The following UGT3A1 variants were observed in gnomAD, a reference collection of about 807,000 sequenced individuals.
UGT3A1 encodes the protein UDP-glycosyltransferase 3A1.
UGT3A1 carries 40 observed loss-of-function variants against 37.6 expected under a neutral mutation model. That is an observed-to-expected ratio of 1.06 (90% CI 0.83 to 1.38). UGT3A1 has a LOEUF of 1.38. UGT3A1 is among the 40% of genes most tolerant of loss of function. The pLI, the probability that UGT3A1 is intolerant of heterozygous loss-of-function variation, is 0.00. For synonymous variants in UGT3A1, 256 were observed against 232.3 expected (o/e 1.10, Z -0.93); for missense variants, 642 against 634.2 (o/e 1.01, Z -0.13).
chr5:35,982,360 G>A (rs937475388), intron 2 of UGT3A1, among the ~76,000 whole-genome samples: 13 of 152,208 alleles, frequency 8.5e-5, no homozygotes, highest in African/African-American at 3.1e-4. Context: ...GAGCCACAGG[G>A]GCAGAGCTAC....
At chr5:35,962,976 T>A in intron 4 of UGT3A1, 1 of 701,866 alleles carries the variant, frequency 1.4e-6, no homozygotes, top group Non-Finnish European at 2.6e-6. Context: ...AATAGAGGTG[T>A]CCCTCATTTC....
At chr5:35,971,517 A>G (rs561696649) in intron 2 of UGT3A1, among the ~76,000 whole-genome samples, 2 of 151,966 alleles carry the variant, frequency 1.3e-5, no homozygotes, top group South Asian at 4.2e-4. Context: ...AAATGGTTCT[A>G]GGGCATACAG....
intron 2 of UGT3A1, among the ~76,000 whole-genome samples, chr5:35,981,437 T>C (rs1217355117): frequency 6.6e-6 from 1 of 152,012 alleles, no homozygotes; most frequent in Non-Finnish European, 1.5e-5. Context: ...ACGAACTTAT[T>C]GGGAACTGAA....
intron 2 of UGT3A1, among the ~76,000 whole-genome samples, chr5:35,973,264 G>A (rs1335884541): frequency 6.6e-6 from 1 of 152,074 alleles, no homozygotes; most frequent in Non-Finnish European, 1.5e-5. Flanking sequence ...ATAGACTCGA[G>A]CTCCAGAAAG....
At chr5:35,955,094 G>A (rs1739301793) in intron 6 of UGT3A1, 1 of 161,602 alleles carries the variant, frequency 6.2e-6, no homozygotes, top group African/African-American at 2.4e-5. Context: ...ATAAATAAAT[G>A]GAGTCATTAC....
At chr5:35,969,370 CT>C (rs1465255725) in intron 2 of UGT3A1, among the ~76,000 whole-genome samples, 2 of 152,088 alleles carry the variant, frequency 1.3e-5, no homozygotes, top group Admixed American at 6.6e-5. Context: ...CAATTTAAGC[CT>C]TGGGTCTCTC....
upstream of UGT3A1, among the ~76,000 whole-genome samples, chr5:35,992,351 C>T (rs75067234): frequency 6.0e-3 from 920 of 152,108 alleles, 25 homozygotes; most frequent in East Asian, 0.069. Context: ...CACAAACATA[C>T]ACACACATAC....
Position 35,952,079 on chromosome 5 carries a change from C to G in UGT3A1, c.*2123G>C, listed in dbSNP as rs1281034598. On this transcript the variant is annotated 3_prime_UTR_variant, in exon 7 of 7. Coordinates refer to ENST00000274278, the MANE Select transcript of UGT3A1 (RefSeq NM_152404.4). ...ATGCTTCAAAAGAGAATGCAGTGAG[C>G]TCCATTTCAGGTGTAGTGGTCAGGC... The G allele has an allele frequency of 6.6e-6, 1 of 152,170 alleles. No individual in the cohort carries two copies. 9.4% of individuals were successfully genotyped at this position (152,170 alleles called of 1,614,324 possible). A position where few individuals can be genotyped will look rare whatever the true frequency, so the allele number is the denominator to read the frequency against.
intron 1 of UGT3A1, among the ~76,000 whole-genome samples, chr5:35,990,386 G>A (rs1426638814): frequency 6.6e-6 from 1 of 151,964 alleles, no homozygotes; most frequent in African/African-American, 2.4e-5. Flanking sequence ...ATAAAGTCTT[G>A]GGGAAGATCG....
intron 4 of UGT3A1, among the ~76,000 whole-genome samples, chr5:35,965,026 CT>C (rs1344782684): frequency 6.6e-6 from 1 of 152,206 alleles, no homozygotes; most frequent in Admixed American, 6.5e-5. Context: ...AGCTCATCTC[CT>C]TAACAATTAT....
At chr5:35,955,602 C>T (rs1739319859) in intron 6 of UGT3A1, 43 bp downstream of exon 6, 1 of 1,605,902 alleles carries the variant, frequency 6.2e-7, no homozygotes. Flanking sequence ...TGTTTTCTAT[C>T]TTCATTCAGC....
chr5:35,959,691 G>A (rs1222870872), intron 4 of UGT3A1, among the ~76,000 whole-genome samples: 2 of 152,022 alleles, frequency 1.3e-5, no homozygotes, highest in African/African-American at 4.8e-5. Context: ...ATTATCATGT[G>A]GATCAATATG....
At chr5:35,980,874 C>A (rs1740495024) in intron 2 of UGT3A1, among the ~76,000 whole-genome samples, 1 of 152,176 alleles carries the variant, frequency 6.6e-6, no homozygotes, top group Non-Finnish European at 1.5e-5. Context: ...GTGAACACCA[C>A]TTATAAAGAG....
At chr5:35,990,729 G>A (rs1366421894) in intron 1 of UGT3A1, among the ~76,000 whole-genome samples, 1 of 152,054 alleles carries the variant, frequency 6.6e-6, no homozygotes, top group Non-Finnish European at 1.5e-5. Context: ...TGGTCTCCAA[G>A]AGGCTGGAAA....
intron 1 of UGT3A1, among the ~76,000 whole-genome samples, chr5:36,000,235 T>C (rs1741190554): frequency 6.6e-6 from 1 of 152,182 alleles, no homozygotes; most frequent in Non-Finnish European, 1.5e-5. Flanking sequence ...AGGAAGGCCA[T>C]GTGTATGGAA....
In UGT3A1 at chr5:35,974,957, T is replaced by C. The variant is rs561066763; in HGVS notation, c.197-6824A>G. Among the ~76,000 whole-genome samples the C allele has an allele frequency of 5.3e-5, 8 of 152,310 alleles. No individual in the cohort carries two copies. In the South Asian group the frequency reaches 1.7e-3, roughly 32 times the overall value. On this transcript the variant is annotated intron_variant, in intron 2 of 6. Coordinates refer to ENST00000274278, the MANE Select transcript of UGT3A1 (RefSeq NM_152404.4). The stretch of plus-strand genomic sequence containing the variant: ...GATCATCATGGACTTGCAAGGAACA[T>C]AACTTAAAAATTGGTGGCAAGAAGT...
At chr5:35,986,673 T>C (rs755229900) in intron 2 of UGT3A1, among the ~76,000 whole-genome samples, 1 of 152,042 alleles carries the variant, frequency 6.6e-6, no homozygotes, top group Non-Finnish European at 1.5e-5. Context: ...AGACCGGAAA[T>C]GGTAGTGGAC....
chr5:35,981,095 A>T (rs987558866), intron 2 of UGT3A1, among the ~76,000 whole-genome samples: 1 of 152,184 alleles, frequency 6.6e-6, no homozygotes, highest in Non-Finnish European at 1.5e-5. Context: ...GCAGTCACCC[A>T]AAAACAATGA....
rs780814300 is a variant in UGT3A1 at position 35,955,859 on chromosome 5, G to T, written c.1081C>A (p.Pro361Thr). 1 of 1,613,732 alleles carries T rather than the reference G, an allele frequency of 6.2e-7. No individual in the cohort carries two copies. Among genetic ancestry groups the T allele is most frequent in the East Asian group, 2.2e-5 (1 of 44,876 alleles). The change falls in exon 6 of 7, where the codon CCC (proline) becomes ACC (threonine). Residue 361 changes from proline (P) to threonine (T), a missense_variant. Transcript: ENST00000274278. ...TGAGTGACAAAAAGACGGATGCTGG[G>T]GTGAGCTGTGGCAAATAAGAAAGAG... ...WLPQSDLLAH[P>T]SIRLFVTHGG... is the part of the protein sequence containing the mutation.
Sources: allele counts gnomAD v4.1 joint callset (sites outside exome capture counted in the v4.1 genomes callset), GRCh38; gene constraint gnomAD v4.1.1; transcripts MANE v1.5; gene names NCBI Gene and HGNC (gene_info 2026-07-23, HGNC 2026-07-21).